The following SNX29 variants were observed in gnomAD, a reference collection of about 807,000 sequenced individuals.
The protein encoded by SNX29 is sorting nexin-29.
Under a neutral mutation model 102.1 loss-of-function variants are expected in SNX29, and 78 were observed. The ratio of observed to expected loss-of-function variants is 0.76; its 90% CI spans 0.64 to 0.92. The LOEUF (loss-of-function observed/expected upper bound fraction) is 0.92, where lower values mean the gene tolerates loss of function less well. SNX29 is among the 40% of genes least tolerant of loss of function. SNX29 has a pLI of 0.00. For missense variants in SNX29, 1,280 were observed against 1,061.7 expected, an observed-to-expected ratio of 1.21 and a Z score of -2.86; for synonymous variants, 580 against 414.5, an observed-to-expected ratio of 1.40 and a Z score of -4.85.
intron 15 of SNX29, among the ~76,000 whole-genome samples, chr16:12,308,696 T>G (rs2080430632): frequency 6.6e-6 from 1 of 152,252 alleles, no homozygotes; most frequent in South Asian, 2.1e-4. Flanking sequence ...TTTCTACTGC[T>G]ATTTACACAT....
chr16:12,555,133 C>T (rs972985376), intron 20 of SNX29, among the ~76,000 whole-genome samples: 2 of 151,790 alleles, frequency 1.3e-5, no homozygotes, highest in African/African-American at 2.4e-5. Flanking sequence ...AAGGCTTATT[C>T]TCAGACTTGG....
chr16:12,198,881 CAT>C (rs899179515), intron 13 of SNX29, among the ~76,000 whole-genome samples: 38 of 152,204 alleles, frequency 2.5e-4, no homozygotes, highest in Admixed American at 2.4e-3. Context: ...TTCAAAGAGA[CAT>C]ATGTAAAGTC....
chr16:12,244,486 G>A (rs112851171), intron 14 of SNX29, among the ~76,000 whole-genome samples: 5,376 of 152,172 alleles, frequency 0.035, 348 homozygotes, highest in African/African-American at 0.12. Context: ...GTGCATGCCT[G>A]TAATCCCAGC....
At chr16:12,269,919 G>T (rs1285336410) in intron 14 of SNX29, among the ~76,000 whole-genome samples, 4 of 151,988 alleles carry the variant, frequency 2.6e-5, no homozygotes, top group Non-Finnish European at 4.4e-5. Context: ...GGAGTGCAGT[G>T]GTGCGATCTT....
chr16:12,542,026 TTTC>T (rs1260564328), intron 20 of SNX29, among the ~76,000 whole-genome samples: 4 of 152,106 alleles, frequency 2.6e-5, no homozygotes, highest in South Asian at 2.1e-4. Context: ...CGCTCTGTTT[TTTC>T]TTTTTTTAAT....
At position 12,572,761 on chromosome 16, in the gene SNX29, A is replaced by T. The variant is rs1444075376; in HGVS notation, c.*4132A>T. The stretch of plus-strand genomic sequence containing the variant: ...AAGGGCTGGGTTTTCAGCTTCTGGG[A>T]CCCGAGGAAGACCCCACCTCACTCC... On this transcript the variant is annotated 3_prime_UTR_variant, in exon 21 of 21. Transcript: ENST00000566228. 3.3e-5 allele frequency: 35 copies of T among 1,063,948 alleles called. No individual in the cohort carries two copies. The highest frequency in any genetic ancestry group is 4.0e-5 in the Non-Finnish European group (35 of 878,440). The allele number at this position is 1,063,948 out of a possible 1,614,324, so 65.9% of individuals were successfully genotyped here.
intron 14 of SNX29, among the ~76,000 whole-genome samples, chr16:12,264,854 T>G (rs536362294): frequency 6.6e-6 from 1 of 152,282 alleles, no homozygotes; most frequent in South Asian, 2.1e-4. Context: ...GGCACAACAG[T>G]TAACAGCCTG....
intron 11 of SNX29, among the ~76,000 whole-genome samples, chr16:12,116,196 T>A (rs535180919): frequency 9.9e-5 from 15 of 152,188 alleles, no homozygotes; most frequent in Non-Finnish European, 2.1e-4. Context: ...TAATTCCACT[T>A]CTAGGTACAC....
chr16:12,298,981 G>C (rs1050457024), intron 15 of SNX29, among the ~76,000 whole-genome samples: 1 of 146,980 alleles, frequency 6.8e-6, no homozygotes, highest in Admixed American at 6.7e-5. Context: ...CCTCCAGAGA[G>C]GACCAATGAG....
At position 12,093,421 on chromosome 16, in the gene SNX29, G is replaced by A. The variant is rs141160746; in HGVS notation, c.1402+14506G>A. ...GGCCAGGAGTTCAAAACCAGCCTGG[G>A]CAACATAGTGAGACCCCCTCTCTTT... On this transcript the variant is annotated intron_variant, in intron 11 of 20. Transcript: ENST00000566228. Among the ~76,000 whole-genome samples, 1,338 of 142,360 alleles carry A rather than the reference G, an allele frequency of 9.4e-3. 20 individuals are homozygous for A. Among genetic ancestry groups the A allele is most frequent in the African/African-American group, 0.033 (1,277 of 38,274 alleles). The allele number at this position is 142,360 out of a possible 152,430, so 93.4% of individuals were successfully genotyped here. A position where few individuals can be genotyped will look rare whatever the true frequency, so the allele number is the denominator to read the frequency against.
At chr16:12,368,160 G>C (rs972704904) in intron 16 of SNX29, among the ~76,000 whole-genome samples, 2 of 152,202 alleles carry the variant, frequency 1.3e-5, no homozygotes, top group Admixed American at 1.3e-4. Context: ...ATCACCATGG[G>C]TGGTCAGTTT....
intron 3 of SNX29, among the ~76,000 whole-genome samples, chr16:12,024,495 G>A (rs1281044037): frequency 2.0e-5 from 3 of 152,148 alleles, no homozygotes; most frequent in Non-Finnish European, 4.4e-5. Context: ...CCAAACTGGA[G>A]GTGGAAAGGG....
chr16:12,543,691 T>G (rs890333093), intron 20 of SNX29, among the ~76,000 whole-genome samples: 1 of 152,232 alleles, frequency 6.6e-6, no homozygotes. Flanking sequence ...GCCAGTCGTA[T>G]CAGAAAATAT....
chr16:12,090,604 GT>G (rs1421462643), intron 11 of SNX29, among the ~76,000 whole-genome samples: 1 of 152,150 alleles, frequency 6.6e-6, no homozygotes, highest in East Asian at 1.9e-4. Flanking sequence ...ATGCTGCCTG[GT>G]TTCCCATTTC....
At chr16:12,244,073 C>T (rs1003355565) in intron 14 of SNX29, among the ~76,000 whole-genome samples, 4 of 152,260 alleles carry the variant, frequency 2.6e-5, no homozygotes, top group East Asian at 1.9e-4. Context: ...CCCATGGGTG[C>T]GCAGCTCACA....
intron 14 of SNX29, among the ~76,000 whole-genome samples, chr16:12,219,398 C>G (rs573831884): frequency 6.6e-6 from 1 of 152,256 alleles, no homozygotes; most frequent in Admixed American, 6.5e-5. Context: ...GGGAACAATA[C>G]TTAACCTTTA....
At chr16:12,365,795 C>A (rs1247536465) in intron 16 of SNX29, among the ~76,000 whole-genome samples, 2 of 151,738 alleles carry the variant, frequency 1.3e-5, no homozygotes, top group African/African-American at 2.4e-5. Context: ...GTAATCCCAG[C>A]ACTTTGGGAG....
chr16:12,464,072 A>G (rs941006892), intron 18 of SNX29, among the ~76,000 whole-genome samples: 2 of 151,076 alleles, frequency 1.3e-5, no homozygotes, highest in Non-Finnish European at 2.9e-5. Context: ...GAGTTTATCC[A>G]TAGAACTTCA....
In SNX29 at chr16:12,572,199, T is replaced by C; in HGVS notation, c.*3570T>C. ...TTTCTTAGAACCATGGCAGGTAGTA[T>C]TGTGCTTTAAAAACCAGAGGCTCCT... On this transcript the variant is annotated 3_prime_UTR_variant, in exon 21 of 21. Coordinates refer to ENST00000566228, the MANE Select transcript of SNX29 (RefSeq NM_032167.5). 5.2e-6 allele frequency: 5 copies of C among 969,240 alleles called. No homozygotes were observed. The highest frequency in any genetic ancestry group is 6.3e-6 in the Non-Finnish European group (5 of 792,760). The allele number at this position is 969,240 out of a possible 1,614,324, so 60.0% of individuals were successfully genotyped here. A position where few individuals can be genotyped will look rare whatever the true frequency, so the allele number is the denominator to read the frequency against.
Sources: gnomAD v4.1 joint callset for allele counts (sites outside exome capture counted in the v4.1 genomes callset) on GRCh38, gnomAD v4.1.1 for gene constraint, MANE v1.5 for transcripts, NCBI Gene and HGNC (gene_info 2026-07-23, HGNC 2026-07-21) for gene names.